The following KAZN variants were observed in gnomAD, a reference collection of about 807,000 sequenced individuals.
The protein encoded by KAZN is kazrin, periplakin interacting protein, also known as kazrin.
KAZN carries 40 observed loss-of-function variants against 87.4 expected under a neutral mutation model. The observed-to-expected ratio is 0.46, with a 90% CI of 0.36 to 0.60. The LOEUF (loss-of-function observed/expected upper bound fraction) is 0.60, where lower values mean the gene tolerates loss of function less well. KAZN is among the 20% of genes least tolerant of loss of function. The probability of loss-of-function intolerance (pLI) is 0.00; values close to 1 mark genes in which losing one functional copy is unlikely to be tolerated. For missense variants in KAZN, 898 were observed against 1,073.9 expected (o/e 0.84, Z 2.29); for synonymous variants, 466 against 458.3 (o/e 1.02, Z -0.22).
At chr1:13,893,203 C>G (rs1027992933) in exon 1 of KAZN, 6 of 153,274 alleles carry the variant, frequency 3.9e-5, no homozygotes, top group African/African-American at 1.4e-4. Flanking sequence ...GCCTGCCTCC[C>G]TGGACTGAGA....
At chr1:14,509,216 T>C (rs1340067109) in intron 2 of KAZN, among the ~76,000 whole-genome samples, 1 of 152,238 alleles carries the variant, frequency 6.6e-6, no homozygotes, top group East Asian at 1.9e-4. Flanking sequence ...GGACCTATAA[T>C]GGTGGCTTAC....
At chr1:14,513,971 T>C (rs1671058969) in intron 2 of KAZN, among the ~76,000 whole-genome samples, 1 of 151,776 alleles carries the variant, frequency 6.6e-6, no homozygotes, top group Non-Finnish European at 1.5e-5. Flanking sequence ...TATTTAACCA[T>C]TTGAAGTCAG....
intron 2 of KAZN, among the ~76,000 whole-genome samples, chr1:14,565,324 T>C (rs570420187): frequency 6.6e-6 from 1 of 152,348 alleles, no homozygotes; most frequent in Non-Finnish European, 1.5e-5. Flanking sequence ...TGTATGTACA[T>C]AATACCATAG....
intron 1 of KAZN, among the ~76,000 whole-genome samples, chr1:14,815,377 A>C (rs1389643162): frequency 6.6e-6 from 1 of 152,150 alleles, no homozygotes; most frequent in Non-Finnish European, 1.5e-5. Flanking sequence ...TTAAATAAAC[A>C]CTAGACTTAA....
At chr1:14,554,862 G>A (rs571027023) in intron 2 of KAZN, among the ~76,000 whole-genome samples, 1 of 152,114 alleles carries the variant, frequency 6.6e-6, no homozygotes, top group Non-Finnish European at 1.5e-5. Flanking sequence ...ACACACCGAC[G>A]TCGAGTCACA....
intron 1 of KAZN, among the ~76,000 whole-genome samples, chr1:13,960,179 C>A (rs1270278889): frequency 1.3e-5 from 2 of 151,916 alleles, no homozygotes; most frequent in Non-Finnish European, 2.9e-5. Context: ...TTCTACAATT[C>A]TTGAGTATAT....
intron 1 of KAZN, among the ~76,000 whole-genome samples, chr1:14,110,050 T>C (rs1272501930): frequency 7.7e-6 from 1 of 130,024 alleles, no homozygotes; most frequent in Non-Finnish European, 1.6e-5. Context: ...CAATAATATG[T>C]TGTGATTAAT....
intron 2 of KAZN, among the ~76,000 whole-genome samples, chr1:14,510,780 C>T (rs542805237): frequency 6.6e-6 from 1 of 152,108 alleles, no homozygotes. Context: ...TGGCTGTGAG[C>T]TCAGAGAGTA....
intron 1 of KAZN, among the ~76,000 whole-genome samples, chr1:14,812,376 G>A (rs1646439254): frequency 6.6e-6 from 1 of 152,188 alleles, no homozygotes; most frequent in Non-Finnish European, 1.5e-5. Context: ...CCTATGCACA[G>A]GGCACCCACG....
chr1:14,845,559 G>A (rs868503391), intron 1 of KAZN, among the ~76,000 whole-genome samples: 6 of 145,434 alleles, frequency 4.1e-5, no homozygotes, highest in African/African-American at 1.6e-4. Context: ...AGATGGGTGG[G>A]TGGATGGATG....
chr1:14,346,849 A>G (rs1003124044), intron 2 of KAZN, among the ~76,000 whole-genome samples: 2 of 152,230 alleles, frequency 1.3e-5, no homozygotes, highest in African/African-American at 2.4e-5. Flanking sequence ...TTTATTGGGC[A>G]TTACTCTGTG....
chr1:14,302,882 A>G (rs1271004227), intron 2 of KAZN, among the ~76,000 whole-genome samples: 6 of 152,116 alleles, frequency 3.9e-5, no homozygotes, highest in Non-Finnish European at 8.8e-5. Context: ...TGTAAGAAGG[A>G]TGGTTTGATG....
At chr1:14,850,592 A>G (rs61773560) in intron 1 of KAZN, among the ~76,000 whole-genome samples, 8,269 of 152,272 alleles carry the variant, frequency 0.054, 334 homozygotes, top group Admixed American at 0.11. Flanking sequence ...CCTCACTGCC[A>G]TGGCCATCAC....
chr1:14,234,100 G>A (rs986993147), intron 2 of KAZN, among the ~76,000 whole-genome samples: 14 of 152,198 alleles, frequency 9.2e-5, no homozygotes, highest in Non-Finnish European at 1.6e-4. Context: ...ACATGCACAC[G>A]TATGTTTATT....
At chr1:14,454,427 A>G (rs1667453568) in intron 2 of KAZN, among the ~76,000 whole-genome samples, 1 of 152,228 alleles carries the variant, frequency 6.6e-6, no homozygotes, top group Non-Finnish European at 1.5e-5. Context: ...CTCCTCAATT[A>G]GAGTCCAATA....
chr1:15,022,376 G>A (rs1007953446), intron 2 of KAZN, among the ~76,000 whole-genome samples: 3 of 152,218 alleles, frequency 2.0e-5, no homozygotes, highest in Non-Finnish European at 2.9e-5. Context: ...GGAGTTTTGC[G>A]GTTGGGGAGC....
rs147668534 is a variant in KAZN, at chr1:14,337,660, G to A, written c.249+157068G>A. Among the ~76,000 whole-genome samples the A allele has an allele frequency of 8.8e-4, 134 of 152,246 alleles. No individual in the cohort carries two copies. The East Asian group carries it at 0.022, about 25-fold the overall frequency. On this transcript the variant is annotated intron_variant, in intron 2 of 16. Coordinates refer to the KAZN transcript ENST00000636203. ...CCTGTAATCTCAGCACTGGAAGGCC[G>A]ATGTGGGTGGATCACCTGAGGTCAG...
chr1:14,783,051 A>T (rs762534782), intron 1 of KAZN, among the ~76,000 whole-genome samples: 1 of 152,114 alleles, frequency 6.6e-6, no homozygotes, highest in Non-Finnish European at 1.5e-5. Context: ...TGGAGGAGCT[A>T]GCATGAAAAA....
chr1:14,286,475 T>C (rs1653260492), intron 2 of KAZN, among the ~76,000 whole-genome samples: 1 of 152,224 alleles, frequency 6.6e-6, no homozygotes, highest in African/African-American at 2.4e-5. Context: ...AATTTTCACA[T>C]CTGTAAACTG....
Sources: allele counts gnomAD v4.1 joint callset (sites outside exome capture counted in the v4.1 genomes callset), GRCh38; gene constraint gnomAD v4.1.1; transcripts MANE v1.5; gene names NCBI Gene and HGNC (gene_info 2026-07-23, HGNC 2026-07-21).